The following ERVMER34-1 variants were observed in gnomAD, a reference collection of about 807,000 sequenced individuals.
ERVMER34-1 encodes endogenous retroviral envelope protein HEMO.
For synonymous variants in ERVMER34-1, 199 were observed against 111.7 expected (o/e 1.78, Z -4.93); for missense variants, 471 against 295.1 (o/e 1.60, Z -4.37).
Position 52,745,142 on chromosome 4 carries a change from C to T in ERVMER34-1, c.379G>A (p.Val127Ile), listed in dbSNP as rs745853061. The T allele has an allele frequency of 1.5e-4, 106 of 703,946 alleles. No individual in the cohort carries two copies. The highest frequency in any genetic ancestry group is 3.0e-4 in the African/African-American group (17 of 57,230). 43.6% of individuals were successfully genotyped at this position (703,946 alleles called of 1,614,324 possible). ...GGTCCACTGCCATTTTTATTTTCTA[C>T]GCAAAGAGAAAAATTTCCCTCCAAT... ...RLLEGNFSLC[V>I]ENKNGSGPFL... Residue 127 changes from valine to isoleucine, a missense_variant, in exon 3 of 3, where the codon GTA (valine) becomes ATA (isoleucine). Val to Ile is a conservative substitution (Grantham distance 29). Transcript: ENST00000443173.
intron 2 of ERVMER34-1, among the ~76,000 whole-genome samples, chr4:52,746,745 C>T (rs1716164967): frequency 6.6e-6 from 1 of 152,034 alleles, no homozygotes; most frequent in Admixed American, 6.6e-5. Context: ...TTGCAGTATG[C>T]TTACCATCTC....
At chr4:52,747,376 C>T (rs912191816) in intron 2 of ERVMER34-1, among the ~76,000 whole-genome samples, 8 of 152,128 alleles carry the variant, frequency 5.3e-5, no homozygotes, top group African/African-American at 1.9e-4. Flanking sequence ...AGAGCCATAC[C>T]TCCTCTATCT....
chr4:52,745,501 T>C lies in ERVMER34-1; in HGVS notation c.20A>G (p.Tyr7Cys), dbSNP rs3733504. Residue 7 changes from tyrosine to cysteine, a missense_variant, in exon 3 of 3, where the codon TAT becomes TGT. Tyr to Cys is a radical substitution (Grantham distance 194, BLOSUM62 -2). Coordinates refer to ENST00000443173, the MANE Select transcript of ERVMER34-1 (RefSeq NM_001242690.2). MGSLSN[Y>C]ALLQLTLTAF... ...AGTAAGGGTTAGTTGAAGCAGGGCA[T>C]AGTTTGAAAGGGAGCCCATAGTGGA... 84,385 of 703,862 alleles carry C rather than the reference T, an allele frequency of 0.12. 5,292 individuals carry two copies. The highest frequency in any genetic ancestry group is 0.17 in the East Asian group (6,383 of 37,270). The allele number at this position is 703,862 out of a possible 1,614,324, so 43.6% of individuals were successfully genotyped here.
At chr4:52,750,090 C>G (rs563304592) in intron 2 of ERVMER34-1, among the ~76,000 whole-genome samples, 3 of 152,090 alleles carry the variant, frequency 2.0e-5, no homozygotes, top group Non-Finnish European at 2.9e-5. Flanking sequence ...CCTCTACATC[C>G]CAGGTTCAAG....
At position 52,745,572 on chromosome 4, in the gene ERVMER34-1, C is replaced by A; in HGVS notation, c.-52G>T. 1.5e-6 allele frequency: 1 copy of A among 663,210 alleles called. No homozygotes were observed. Among genetic ancestry groups the A allele is most frequent in the South Asian group, 1.6e-5 (1 of 60,972 alleles). The allele number at this position is 663,210 out of a possible 1,614,324, so 41.1% of individuals were successfully genotyped here. On this transcript the variant is annotated 5_prime_UTR_variant, in exon 3 of 3. Coordinates refer to ENST00000443173, the MANE Select transcript of ERVMER34-1 (RefSeq NM_001242690.2). ...AAGCAAACTCCAGACAATGGAGATTCAATGAAAGGGGAGGGTTTTGTTTAA... is the reference window on the plus strand; with the variant it reads ...AAGCAAACTCCAGACAATGGAGATTAAATGAAAGGGGAGGGTTTTGTTTAA...
chr4:52,744,479 T>C lies in ERVMER34-1; in HGVS notation c.1042A>G (p.Thr348Ala), dbSNP rs757434681. ...TCTCCTTGGGTGCATCTATGCGGTG[T>C]TACTTTATGAATGAAGGATCTCAGG... ...TNLRSFIHKV[T>A]PHRCTQGDTD... is the part of the protein sequence containing the mutation. Residue 348 changes from threonine (T) to alanine (A), a missense_variant, in exon 3 of 3, where the codon ACA (threonine) becomes GCA (alanine). Coordinates refer to ENST00000443173, the MANE Select transcript of ERVMER34-1 (RefSeq NM_001242690.2). 1 of 704,146 alleles carries C rather than the reference T, an allele frequency of 1.4e-6. No individual in the cohort carries two copies. Among genetic ancestry groups the C allele is most frequent in the South Asian group, 1.5e-5 (1 of 67,596 alleles). 43.6% of individuals were successfully genotyped at this position (704,146 alleles called of 1,614,324 possible).
Position 52,745,467 on chromosome 4 carries a change from C to CA in ERVMER34-1, c.53dup (p.Leu18PhefsTer23). 1 of 703,452 alleles carries CA rather than the reference C, an allele frequency of 1.4e-6. No homozygotes were observed. Among genetic ancestry groups the CA allele is most frequent in the East Asian group, 2.7e-5 (1 of 37,266 alleles). The allele number at this position is 703,452 out of a possible 1,614,324, so 43.6% of individuals were successfully genotyped here. ...GGTGCTGAGGTTGTACTAGAATTGT[C>CA]AAAAAAGCAGTAAGGGTTAGTTGAA... On this transcript the variant is annotated frameshift_variant, in exon 3 of 3. Coordinates refer to ENST00000443173, the MANE Select transcript of ERVMER34-1 (RefSeq NM_001242690.2). LOFTEE classifies it low-confidence loss of function (END_TRUNC).
Position 52,744,228 on chromosome 4 carries a change from G to T in ERVMER34-1, c.1293C>A (p.Thr431=), listed in dbSNP as rs1716086004. The T allele has an allele frequency of 2.8e-6, 2 of 704,120 alleles. No individual in the cohort carries two copies. The highest frequency in any genetic ancestry group is 5.4e-5 in the East Asian group (2 of 37,298). 43.6% of individuals were successfully genotyped at this position (704,120 alleles called of 1,614,324 possible). Residue 431 remains threonine, a synonymous_variant, in exon 3 of 3, where the codon ACC becomes ACA. Coordinates refer to ENST00000443173, the MANE Select transcript of ERVMER34-1 (RefSeq NM_001242690.2). ...RKDHVLDIPT[T]QRQTACGTVG... is the part of the protein sequence containing the mutation. ...CAGTTCCACAAGCCGTTTGTCGTTG[G>T]GTGGTCGGTATATCCAAGACATGAT...
intron 2 of ERVMER34-1, among the ~76,000 whole-genome samples, chr4:52,746,733 CTT>C (rs2109415320): frequency 6.6e-6 from 1 of 152,196 alleles, no homozygotes; most frequent in South Asian, 2.1e-4. Flanking sequence ...TTGGAAGACT[CTT>C]TGCAGTATGC....
At position 52,743,842 on chromosome 4, in the gene ERVMER34-1, G is replaced by A; in HGVS notation, c.1679C>T (p.Thr560Ile). Residue 560 changes from threonine (T) to isoleucine (I), a missense_variant, in exon 3 of 3, where the codon ACA becomes ATA. Thr to Ile is a moderately conservative substitution (Grantham distance 89). Coordinates refer to ENST00000443173, the MANE Select transcript of ERVMER34-1 (RefSeq NM_001242690.2). ...GTTCAGATATTCTCAAAGTAGACTT[G>A]TGTCATATTGATGGGTTGTTAGTCC... ...MKGLTTHQYD[T>I]SLL 1.3e-6 allele frequency: 2 copies of A among 1,495,722 alleles called. No individual in the cohort carries two copies. The highest frequency in any genetic ancestry group is 1.8e-6 in the Non-Finnish European group (2 of 1,128,716). The allele number at this position is 1,495,722 out of a possible 1,614,324, so 92.7% of individuals were successfully genotyped here. A position where few individuals can be genotyped will look rare whatever the true frequency, so the allele number is the denominator to read the frequency against.
At position 52,744,943 on chromosome 4, in the gene ERVMER34-1, C is replaced by T. The variant is rs1295621752; in HGVS notation, c.578G>A (p.Arg193Gln). The part of the protein sequence containing the change: ...QCSWFAGCTN[R>Q]TWNSSAVPLI... Reference sequence around the variant, plus strand: ...GGGAACAGCTGAGCTGTTCCAGGTCCGGTTTGTGCAACCTGCAAACCAGGA... The same window carrying T: ...GGGAACAGCTGAGCTGTTCCAGGTCTGGTTTGTGCAACCTGCAAACCAGGA... Residue 193 changes from arginine (R) to glutamine (Q), a missense_variant, in exon 3 of 3, where the codon CGG becomes CAG. Physicochemically the swap from Arg to Gln is conservative, Grantham distance 43. Coordinates refer to ENST00000443173, the MANE Select transcript of ERVMER34-1 (RefSeq NM_001242690.2). 3.7e-5 allele frequency: 26 copies of T among 703,952 alleles called. No homozygotes were observed. The highest frequency in any genetic ancestry group is 1.9e-4 in the South Asian group (13 of 67,588). The allele number at this position is 703,952 out of a possible 1,614,324, so 43.6% of individuals were successfully genotyped here. A position where few individuals can be genotyped will look rare whatever the true frequency, so the allele number is the denominator to read the frequency against.
chr4:52,750,551 G>A (rs1433339938), intron 2 of ERVMER34-1, among the ~76,000 whole-genome samples: 2 of 152,008 alleles, frequency 1.3e-5, no homozygotes, highest in African/African-American at 2.4e-5. Context: ...GTTCATTGTC[G>A]GGCAAATGCC....
At position 52,743,095 on chromosome 4, in the gene ERVMER34-1, GA is replaced by G. The variant is rs1339348357; in HGVS notation, c.*733del. 1 of 151,758 alleles carries G rather than the reference GA, an allele frequency of 6.6e-6. No homozygotes were observed. Among genetic ancestry groups the G allele is most frequent in the Non-Finnish European group, 1.5e-5 (1 of 67,990 alleles). The allele number at this position is 151,758 out of a possible 1,614,324, so 9.4% of individuals were successfully genotyped here. A position where few individuals can be genotyped will look rare whatever the true frequency, so the allele number is the denominator to read the frequency against. ...AAGGAACTCACCAGAGGACTGGGCA[GA>G]GTGAAGCATTTGATATAATAGATGC... On this transcript the variant is annotated 3_prime_UTR_variant, in exon 3 of 3. Coordinates refer to ENST00000443173, the MANE Select transcript of ERVMER34-1 (RefSeq NM_001242690.2).
At chr4:52,750,209 G>T (rs966283061) in intron 2 of ERVMER34-1, among the ~76,000 whole-genome samples, 2 of 152,062 alleles carry the variant, frequency 1.3e-5, no homozygotes, top group Non-Finnish European at 2.9e-5. Context: ...ATGTTGGCCA[G>T]GTAGGTCTCG....
chr4:52,744,352 T>C lies in ERVMER34-1; in HGVS notation c.1169A>G (p.Asn390Ser). 1.4e-6 allele frequency: 1 copy of C among 704,154 alleles called. No individual in the cohort carries two copies. Among genetic ancestry groups the C allele is most frequent in the East Asian group, 2.7e-5 (1 of 37,292 alleles). 43.6% of individuals were successfully genotyped at this position (704,154 alleles called of 1,614,324 possible). ...TTCCTGTTCCATTGCTTTGGAAATG[T>C]TTAGAATTGCCTTTTCTAAATCATA... is the stretch of plus-strand genomic sequence containing the variant. ...GTYDLEKAILNISKAMEQEFS... is the reference protein window; with the variant it reads ...GTYDLEKAILSISKAMEQEFS... The change falls in exon 3 of 3, where the codon AAC becomes AGC. Residue 390 changes from asparagine (N) to serine (S), a missense_variant. Asn to Ser is a conservative substitution (Grantham distance 46). Coordinates refer to ENST00000443173, the MANE Select transcript of ERVMER34-1 (RefSeq NM_001242690.2).
At chr4:52,749,645 A>T (rs1274898749) in intron 2 of ERVMER34-1, among the ~76,000 whole-genome samples, 1 of 151,992 alleles carries the variant, frequency 6.6e-6, no homozygotes, top group African/African-American at 2.4e-5. Flanking sequence ...TCTACTAAAA[A>T]ATACAAAAAT....
At chr4:52,747,521 C>A (rs147242071) in intron 2 of ERVMER34-1, among the ~76,000 whole-genome samples, 68 of 152,324 alleles carry the variant, frequency 4.5e-4, no homozygotes, top group African/African-American at 1.6e-3. Context: ...AAGCTGTTCA[C>A]CCTGCCCTGC....
chr4:52,749,664 GT>G lies in ERVMER34-1; in HGVS notation c.-424+1265del, dbSNP rs200108724. ...CTAAAAAATACAAAAATTAGCCAGC[GT>G]GGTGGCTTGTGCATGTCTTCCCAGC... On this transcript the variant is annotated intron_variant, in intron 2 of 2. Coordinates refer to ENST00000443173, the MANE Select transcript of ERVMER34-1 (RefSeq NM_001242690.2). Among the ~76,000 whole-genome samples, 1,496 of 152,142 alleles carry G rather than the reference GT, an allele frequency of 9.8e-3. 25 individuals are homozygous for G. Among genetic ancestry groups the G allele is most frequent in the African/African-American group, 0.034 (1,427 of 41,488 alleles).
rs936050266 is a variant in ERVMER34-1 at position 52,743,377 on chromosome 4, C to T, written c.*452G>A. ...TTGTGTATGTGTACATTGGATTCTT[C>T]TACCTTCAACCAAAATCAAGGGAAC... On this transcript the variant is annotated 3_prime_UTR_variant, in exon 3 of 3. Coordinates refer to ENST00000443173, the MANE Select transcript of ERVMER34-1 (RefSeq NM_001242690.2). 3 of 153,446 alleles carry T rather than the reference C, an allele frequency of 2.0e-5. No homozygotes were observed. The highest frequency in any genetic ancestry group is 7.2e-5 in the African/African-American group (3 of 41,468). 9.5% of individuals were successfully genotyped at this position (153,446 alleles called of 1,614,324 possible). A position where few individuals can be genotyped will look rare whatever the true frequency, so the allele number is the denominator to read the frequency against.
Sources: gnomAD v4.1 joint callset for allele counts (sites outside exome capture counted in the v4.1 genomes callset) on GRCh38, gnomAD v4.1.1 for gene constraint, MANE v1.5 for transcripts, NCBI Gene and HGNC (gene_info 2026-07-23, HGNC 2026-07-21) for gene names.